Variants in NOTCH2NLC observed in about 807,000 individuals in gnomAD.
NOTCH2NLC encodes notch 2 N-terminal like C, also known as notch homolog 2 N-terminal-like protein C.
In NOTCH2NLC, 4 loss-of-function variants were observed where a neutral mutation model predicts 17.7. The observed-to-expected ratio is 0.23, with a 90% CI of 0.11 to 0.52. The LOEUF (loss-of-function observed/expected upper bound fraction) is 0.52, where lower values mean the gene tolerates loss of function less well. Among genes scored for constraint, NOTCH2NLC ranks in the 20% least tolerant of loss-of-function variants. The pLI is 0.96. For synonymous variants in NOTCH2NLC, 18 were observed against 86.0 expected (o/e 0.21, Z 4.38); for missense variants, 57 against 207.2 (o/e 0.28, Z 4.45).
chr1:149,425,507 A>G (rs1229055684), intron 1 of NOTCH2NLC, among the ~76,000 whole-genome samples: 13 of 151,360 alleles, frequency 8.6e-5, no homozygotes, highest in East Asian at 5.9e-4. Context: ...GGGCACGTAA[A>G]GTAAGCTCTG....
At chr1:149,413,119 G>T (rs2084308921) in intron 1 of NOTCH2NLC, among the ~76,000 whole-genome samples, 1 of 150,198 alleles carries the variant, frequency 6.7e-6, no homozygotes, top group East Asian at 2.0e-4. Context: ...TGTTGGTCAG[G>T]CTGGTTTTGA....
intron 2 of NOTCH2NLC, among the ~76,000 whole-genome samples, chr1:149,445,848 T>C (rs1198928375): frequency 3.5e-5 from 5 of 141,348 alleles, no homozygotes; most frequent in Admixed American, 7.5e-5. Flanking sequence ...TTGTATGTGG[T>C]GGGGTTTTGC....
chr1:149,423,373 T>C (rs1456743441), intron 1 of NOTCH2NLC, among the ~76,000 whole-genome samples: 5 of 151,432 alleles, frequency 3.3e-5, no homozygotes, highest in Admixed American at 1.3e-4. Context: ...TTGTTTGGAT[T>C]TTTTTTTCAT....
At position 149,460,903 on chromosome 1, in the gene NOTCH2NLC, CTTTCTTTCTT is replaced by C. The variant is rs2084644983; in HGVS notation, c.470-2586_470-2577del. On this transcript the variant is annotated intron_variant, in intron 3 of 4. Transcript: ENST00000650865. ...TCTTTCTTTCTTTCTTTCTTTCTTTCTTTCTTTCTTTCTCTCTCTTTCTCTCTTTCTCTCT... is the reference window on the plus strand; with the variant it reads ...TCTTTCTTTCTTTCTTTCTTTCTTTCTCTCTCTCTTTCTCTCTTTCTCTCT... Among the ~76,000 whole-genome samples, 53 of 108,344 alleles carry C rather than the reference CTTTCTTTCTT, an allele frequency of 4.9e-4. 4 individuals are homozygous for C. The South Asian group carries it at 9.3e-3, about 19-fold the overall frequency. 71.1% of individuals were successfully genotyped at this position (108,344 alleles called of 152,430 possible). A position where few individuals can be genotyped will look rare whatever the true frequency, so the allele number is the denominator to read the frequency against.
intron 2 of NOTCH2NLC, among the ~76,000 whole-genome samples, chr1:149,445,513 G>A (rs1406893135): frequency 2.7e-5 from 4 of 146,580 alleles, no homozygotes; most frequent in Admixed American, 6.8e-5. Context: ...GGTTTTGTTA[G>A]TTTTTTCCCC....
At chr1:149,450,102 G>A (rs1416432202) in intron 2 of NOTCH2NLC, among the ~76,000 whole-genome samples, 1 of 142,576 alleles carries the variant, frequency 7.0e-6, no homozygotes. Context: ...TTTTTATTAT[G>A]TGGGCATATG....
chr1:149,428,636 C>T (rs1363632643), intron 1 of NOTCH2NLC, among the ~76,000 whole-genome samples: 1 of 150,352 alleles, frequency 6.7e-6, no homozygotes, highest in Non-Finnish European at 1.5e-5. Context: ...CATTCATGTA[C>T]TTATAAGGAG....
intron 2 of NOTCH2NLC, among the ~76,000 whole-genome samples, chr1:149,437,796 A>C (rs2084491758): frequency 6.6e-6 from 1 of 151,808 alleles, no homozygotes; most frequent in Admixed American, 6.6e-5. Flanking sequence ...AGATAGACTT[A>C]AGTTTGAGTC....
At chr1:149,437,222 C>G (rs1424456326) in intron 2 of NOTCH2NLC, among the ~76,000 whole-genome samples, 1 of 141,312 alleles carries the variant, frequency 7.1e-6, no homozygotes, top group Non-Finnish European at 1.5e-5. Context: ...GCACAGGCCT[C>G]TCTTGTGAAA....
At position 149,449,625 on chromosome 1, in the gene NOTCH2NLC, T is replaced by C. The variant is rs1404750810; in HGVS notation, c.210-5693T>C. ...AATTGTAGAGAGACAAAGTTTGTTCTTTTCAAAATTAAGACATAATTTATG... is the reference window on the plus strand; with the variant it reads ...AATTGTAGAGAGACAAAGTTTGTTCCTTTCAAAATTAAGACATAATTTATG... On this transcript the variant is annotated intron_variant, in intron 2 of 4. Coordinates refer to ENST00000650865, the MANE Select transcript of NOTCH2NLC (RefSeq NM_001364013.2). Among the ~76,000 whole-genome samples, 33 of 151,348 alleles carry C rather than the reference T, an allele frequency of 2.2e-4. 1 individual carries two copies. Among genetic ancestry groups the C allele is most frequent in the African/African-American group, 7.7e-4 (32 of 41,322 alleles).
intron 2 of NOTCH2NLC, among the ~76,000 whole-genome samples, chr1:149,448,899 TGA>T (rs1156481947): frequency 6.9e-6 from 1 of 145,756 alleles, no homozygotes; most frequent in African/African-American, 2.5e-5. Flanking sequence ...TTTTTTTTTT[TGA>T]GAGGGAGTCT....
intron 1 of NOTCH2NLC, among the ~76,000 whole-genome samples, chr1:149,414,836 CCCA>C (rs2084321965): frequency 6.8e-6 from 1 of 146,720 alleles, no homozygotes; most frequent in South Asian, 2.2e-4. Flanking sequence ...TCTTTTACTC[CCCA>C]CGTTTCAAAT....
At position 149,470,267 on chromosome 1, in the gene NOTCH2NLC, A is replaced by G. The variant is rs1171590931; in HGVS notation, c.*6114A>G. The stretch of plus-strand genomic sequence containing the variant: ...GCTATAATACCACTGACAAATAATA[A>G]TATTAGCTAATATGTGTAAGGCACT... On this transcript the variant is annotated 3_prime_UTR_variant, in exon 5 of 5. Transcript: ENST00000650865. Among the ~76,000 whole-genome samples the G allele has an allele frequency of 4.0e-5, 6 of 151,138 alleles. No homozygotes were observed. Among genetic ancestry groups the G allele is most frequent in the Admixed American group, 6.6e-5 (1 of 15,134 alleles).
intron 1 of NOTCH2NLC, among the ~76,000 whole-genome samples, chr1:149,412,237 G>A (rs1229283931): frequency 4.0e-5 from 6 of 148,886 alleles, no homozygotes; most frequent in South Asian, 2.1e-4. Flanking sequence ...TCATGACCAC[G>A]AATGGGTCAT....
At chr1:149,450,248 C>T (rs2101504031) in intron 2 of NOTCH2NLC, among the ~76,000 whole-genome samples, 1 of 143,912 alleles carries the variant, frequency 6.9e-6, no homozygotes, top group South Asian at 2.2e-4. Context: ...TTTCACTTAA[C>T]AAATGCATAG....
intron 1 of NOTCH2NLC, among the ~76,000 whole-genome samples, chr1:149,412,831 A>C (rs1347343871): frequency 2.8e-5 from 4 of 144,152 alleles, no homozygotes; most frequent in East Asian, 2.1e-4. Flanking sequence ...AAAAAAAAAA[A>C]CCAAGGTAAA....
intron 1 of NOTCH2NLC, among the ~76,000 whole-genome samples, chr1:149,392,851 C>A (rs2084180413): frequency 6.6e-6 from 1 of 150,686 alleles, no homozygotes; most frequent in African/African-American, 2.4e-5. Flanking sequence ...GCGGGCGGAT[C>A]ACGAGGTCAG....
chr1:149,395,939 G>C (rs1402903890), intron 1 of NOTCH2NLC, among the ~76,000 whole-genome samples: 1 of 149,748 alleles, frequency 6.7e-6, no homozygotes, highest in Non-Finnish European at 1.5e-5. Flanking sequence ...ACATGATTTT[G>C]ATCCTTGAGG....
rs2084717905 is a variant in NOTCH2NLC, at chr1:149,471,343, T to A, written c.*7190T>A. Among the ~76,000 whole-genome samples, 1 of 149,736 alleles carries A rather than the reference T, an allele frequency of 6.7e-6. No individual in the cohort carries two copies. The highest frequency in any genetic ancestry group is 2.4e-5 in the African/African-American group (1 of 40,876). On this transcript the variant is annotated 3_prime_UTR_variant, in exon 5 of 5. Transcript: ENST00000650865. ...TTTAACTTGATGGAATACAATTTATTTTTTCTTTTGTTGCTTGTGCTTTCA... is the reference window on the plus strand; with the variant it reads ...TTTAACTTGATGGAATACAATTTATATTTTCTTTTGTTGCTTGTGCTTTCA...
Sources: allele counts gnomAD v4.1 joint callset (sites outside exome capture counted in the v4.1 genomes callset), GRCh38; gene constraint gnomAD v4.1.1; transcripts MANE v1.5; gene names NCBI Gene and HGNC (gene_info 2026-07-23, HGNC 2026-07-21).